Variants in DCLRE1C observed in about 807,000 individuals in gnomAD.
The protein encoded by DCLRE1C is DNA cross-link repair 1C, also known as protein artemis.
Under a neutral mutation model 61.4 loss-of-function variants are expected in DCLRE1C, and 47 were observed. The ratio of observed to expected loss-of-function variants is 0.77; its 90% CI spans 0.61 to 0.98. The LOEUF (loss-of-function observed/expected upper bound fraction) is 0.98. Among genes scored for constraint, DCLRE1C ranks in the 50% least tolerant of loss-of-function variants. The probability of loss-of-function intolerance (pLI) is 0.00; values close to 1 mark genes in which losing one functional copy is unlikely to be tolerated. For missense variants in DCLRE1C, 858 were observed against 816.0 expected, an observed-to-expected ratio of 1.05 and a Z score of -0.63; for synonymous variants, 337 against 287.6, an observed-to-expected ratio of 1.17 and a Z score of -1.74.
downstream of DCLRE1C, chr10:14,903,974 A>T (rs956177334): frequency 3.3e-5 from 5 of 152,216 alleles, no homozygotes; most frequent in African/African-American, 1.2e-4. Context: ...AATTGTTTAC[A>T]TGATTGGACC....
intron 13 of DCLRE1C, among the ~76,000 whole-genome samples, chr10:14,913,010 C>A (rs976841527): frequency 6.7e-6 from 1 of 148,532 alleles, no homozygotes; most frequent in Non-Finnish European, 1.5e-5. Context: ...CGCCCGCCAC[C>A]ACACCTGGCT....
Sources: gnomAD v4.1 joint callset for allele counts (sites outside exome capture counted in the v4.1 genomes callset) on GRCh38, gnomAD v4.1.1 for gene constraint, MANE v1.5 for transcripts, NCBI Gene and HGNC (gene_info 2026-07-23, HGNC 2026-07-21) for gene names.